The following PCM1 variants were observed in gnomAD, a reference collection of about 807,000 sequenced individuals.
PCM1 encodes pericentriolar material 1, also known as pericentriolar material 1 protein.
Under a neutral mutation model 241.9 loss-of-function variants are expected in PCM1, and 157 were observed. That is an observed-to-expected ratio of 0.65 (90% CI 0.57 to 0.74). The LOEUF is 0.74. Among genes scored for constraint, PCM1 ranks in the 30% least tolerant of loss-of-function variants. The pLI is 0.00. For missense variants in PCM1, 3,478 were observed against 2,360.1 expected, an observed-to-expected ratio of 1.47 and a Z score of -9.81; for synonymous variants, 1,085 against 784.9, an observed-to-expected ratio of 1.38 and a Z score of -6.39.
intron 29 of PCM1, among the ~76,000 whole-genome samples, chr8:17,997,664 C>G (rs1169686036): frequency 6.6e-6 from 1 of 152,028 alleles, no homozygotes; most frequent in Non-Finnish European, 1.5e-5. Flanking sequence ...TTTTTCAACT[C>G]TAGAATTTCT....
rs57224845 is a variant in PCM1 at position 17,960,533 on chromosome 8, C to CTTTT, written c.2322+95_2322+98dup. The CTTTT allele has an allele frequency of 1.8e-4, 108 of 604,404 alleles. 1 individual carries two copies. The highest frequency in any genetic ancestry group is 1.0e-3 in the Middle Eastern group (2 of 2,006). 37.4% of individuals were successfully genotyped at this position (604,404 alleles called of 1,614,324 possible). A position where few individuals can be genotyped will look rare whatever the true frequency, so the allele number is the denominator to read the frequency against. ...AGTACTCTTTTTTGTTTTTGTTTTTCTTTTTTTTTGAGGCAGAGTCTCACT... is the reference window on the plus strand; with the variant it reads ...AGTACTCTTTTTTGTTTTTGTTTTTCTTTTTTTTTTTTTGAGGCAGAGTCTCACT... On this transcript the variant is annotated intron_variant, in intron 15 of 38. Coordinates refer to ENST00000325083, the MANE Select transcript of PCM1 (RefSeq NM_006197.4).
intron 4 of PCM1, among the ~76,000 whole-genome samples, chr8:17,937,681 T>C (rs1307522528): frequency 6.6e-6 from 1 of 152,144 alleles, no homozygotes; most frequent in South Asian, 2.1e-4. Context: ...TAAAATGGTA[T>C]TAAGTAATGG....
At position 18,028,402 on chromosome 8, in the gene PCM1, A is replaced by AATT. The variant is rs1257658466; in HGVS notation, c.*742_*744dup. 4 of 192,728 alleles carry AATT rather than the reference A, an allele frequency of 2.1e-5. No individual in the cohort carries two copies. Among genetic ancestry groups the AATT allele is most frequent in the Admixed American group, 1.2e-4 (2 of 16,376 alleles). The allele number at this position is 192,728 out of a possible 1,614,324, so 11.9% of individuals were successfully genotyped here. The stretch of plus-strand genomic sequence containing the variant: ...AAAGTAAAAAAAATAAGCTTTATAT[A>AATT]ATTAGGGAGATTTCTGCACAGAGAA... On this transcript the variant is annotated 3_prime_UTR_variant, in exon 39 of 39. Coordinates refer to ENST00000325083, the MANE Select transcript of PCM1 (RefSeq NM_006197.4).
intron 21 of PCM1, 75 bp downstream of exon 21, chr8:17,967,245 A>T: frequency 1.0e-6 from 1 of 991,744 alleles, no homozygotes; most frequent in Non-Finnish European, 1.5e-6. Context: ...TATTGCCTAG[A>T]TGTTTTAACA....
chr8:17,984,520 T>C (rs1356018016), intron 24 of PCM1, among the ~76,000 whole-genome samples: 1 of 151,906 alleles, frequency 6.6e-6, no homozygotes, highest in East Asian at 1.9e-4. Context: ...TGATATCTTA[T>C]ATTAGTAATG....
chr8:18,028,817 A>G lies in PCM1; in HGVS notation c.*1155A>G, dbSNP rs941321503. ...TTTTAACTTTGTTAACAACTGAAATACCCCATAAAAAAAGAACTTGTTGAG... is the reference window on the plus strand; with the variant it reads ...TTTTAACTTTGTTAACAACTGAAATGCCCCATAAAAAAAGAACTTGTTGAG... On this transcript the variant is annotated 3_prime_UTR_variant, in exon 39 of 39. Coordinates refer to ENST00000325083, the MANE Select transcript of PCM1 (RefSeq NM_006197.4). 1.1e-5 allele frequency: 2 copies of G among 187,610 alleles called. No homozygotes were observed. The highest frequency in any genetic ancestry group is 4.7e-5 in the African/African-American group (2 of 42,802). 11.6% of individuals were successfully genotyped at this position (187,610 alleles called of 1,614,324 possible).
intron 23 of PCM1, among the ~76,000 whole-genome samples, chr8:17,978,690 C>G (rs184179517): frequency 6.6e-6 from 1 of 152,140 alleles, no homozygotes; most frequent in Admixed American, 6.5e-5. Context: ...AAGAAACAAC[C>G]TGTGAATCAA....
intron 8 of PCM1, 133 bp downstream of exon 8, chr8:17,950,857 C>A (rs560562615): frequency 4.7e-6 from 3 of 633,102 alleles, no homozygotes; most frequent in Admixed American, 3.3e-5. Flanking sequence ...TGGTGGGGTC[C>A]CCCCCACCTT....
intron 6 of PCM1, among the ~76,000 whole-genome samples, chr8:17,940,688 T>A (rs780279034): frequency 3.3e-5 from 5 of 152,188 alleles, no homozygotes; most frequent in Non-Finnish European, 5.9e-5. Flanking sequence ...ACATTGTGAC[T>A]TATTCACAAT....
rs1240485455 is a variant in PCM1 at position 18,011,355 on chromosome 8, C to T, written c.5339C>T (p.Pro1780Leu). Reference sequence around the variant, plus strand: ...GAAGATGAAGAAAGTGAAGGATGTCCAGTGTCTATTAGTAAGTTTAAAGGC... The same window carrying T: ...GAAGATGAAGAAAGTGAAGGATGTCTAGTGTCTATTAGTAAGTTTAAAGGC... ...QEEDEESEGC[P>L]VSINLSKAET... Residue 1780 changes from proline (P) to leucine (L), a missense_variant, in exon 33 of 39, where the codon CCA (proline) becomes CTA (leucine). Transcript: ENST00000325083. 3 of 1,594,402 alleles carry T rather than the reference C, an allele frequency of 1.9e-6. No individual in the cohort carries two copies. The highest frequency in any genetic ancestry group is 2.6e-6 in the Non-Finnish European group (3 of 1,172,830).
At chr8:17,959,519 G>GCC (rs1373549990) in intron 13 of PCM1, among the ~76,000 whole-genome samples, 3 of 152,060 alleles carry the variant, frequency 2.0e-5, no homozygotes, top group African/African-American at 7.2e-5. Flanking sequence ...AGGATTTGGA[G>GCC]AAGTGGAACT....
intron 24 of PCM1, among the ~76,000 whole-genome samples, chr8:17,981,741 C>T (rs1027029164): frequency 6.6e-6 from 1 of 151,904 alleles, no homozygotes; most frequent in Admixed American, 6.6e-5. Context: ...TTCCATTTTT[C>T]GGAGGAAACA....
intron 8 of PCM1, among the ~76,000 whole-genome samples, chr8:17,951,943 C>G (rs181074498): frequency 1.3e-5 from 2 of 152,014 alleles, no homozygotes; most frequent in Admixed American, 6.6e-5. Context: ...TAAAAAAAGG[C>G]CAGGTGCGGT....
In PCM1 at chr8:17,986,048, A is replaced by C. The variant is rs766459751; in HGVS notation, c.4371A>C (p.Ser1457=). 2.5e-6 allele frequency: 4 copies of C among 1,602,484 alleles called. No individual in the cohort carries two copies. The highest frequency in any genetic ancestry group is 3.4e-6 in the Non-Finnish European group (4 of 1,172,966). Residue 1457 remains serine (S), a synonymous_variant, in exon 26 of 39, where the codon TCA becomes TCC. Coordinates refer to ENST00000325083, the MANE Select transcript of PCM1 (RefSeq NM_006197.4). The part of the protein sequence containing the change: ...VNSGTWIASN[S]ELTPSESLAT... The stretch of plus-strand genomic sequence containing the variant: ...CTGGTACTTGGATAGCATCAAACTC[A>C]GAACTTACTCCTAGTGAGAGCCTTG...
At chr8:17,980,477 G>C in intron 23 of PCM1, 114 bp from the exon 24 acceptor site, 2 of 733,528 alleles carry the variant, frequency 2.7e-6, no homozygotes, top group East Asian at 2.6e-5. Flanking sequence ...ATTTATACCA[G>C]GCCTTCCTAG....
rs569137887 is a variant in PCM1, at chr8:17,933,977, T to C, written c.-22-1612T>C. 8.1e-4 allele frequency among the ~76,000 whole-genome samples: 124 copies of C among 152,258 alleles called. 1 individual carries two copies. Among genetic ancestry groups the C allele is most frequent in the African/African-American group, 2.9e-3 (119 of 41,560 alleles). The stretch of plus-strand genomic sequence containing the variant: ...TATGCTCATTAAAAAAAGAGTGAAA[T>C]ATAACAGGAAGGGTCAATGTATTTG... On this transcript the variant is annotated intron_variant, in intron 2 of 38. Coordinates refer to ENST00000325083, the MANE Select transcript of PCM1 (RefSeq NM_006197.4).
rs1564363105 is a variant in PCM1 at position 18,010,560 on chromosome 8, A to ATGTATCTAAGTATGTTGCTAAATTC, written c.5161-45_5161-21dup. ...GCTGAGACATGAGAAATGCTAAATT[A>ATGTATCTAAGTATGTTGCTAAATTC]TGTATCTAAGTATGTTGCTAAATTC... is the stretch of plus-strand genomic sequence containing the variant. On this transcript the variant is annotated intron_variant, in intron 31 of 38. Coordinates refer to ENST00000325083, the MANE Select transcript of PCM1 (RefSeq NM_006197.4). 3 of 1,361,062 alleles carry ATGTATCTAAGTATGTTGCTAAATTC rather than the reference A, an allele frequency of 2.2e-6. No homozygotes were observed. In the African/African-American group the frequency reaches 4.3e-5, roughly 20 times the overall value. 84.3% of individuals were successfully genotyped at this position (1,361,062 alleles called of 1,614,324 possible). A position where few individuals can be genotyped will look rare whatever the true frequency, so the allele number is the denominator to read the frequency against.
Position 17,972,775 on chromosome 8 carries a change from G to A in PCM1, c.3943+88G>A, listed in dbSNP as rs571960070. ...TTGACATAGATATAGTTTCAGTAAG[G>A]CTAGATGTGCAGGTGCTGTTCTAGA... On this transcript the variant is annotated intron_variant, in intron 23 of 38. Transcript: ENST00000325083. The A allele has an allele frequency of 2.4e-5, 17 of 709,508 alleles. No individual in the cohort carries two copies. The South Asian group carries it at 4.8e-4, about 20-fold the overall frequency. The allele number at this position is 709,508 out of a possible 1,614,324, so 44.0% of individuals were successfully genotyped here.
Position 17,955,930 on chromosome 8 carries a change from G to A in PCM1, c.1472+277G>A, listed in dbSNP as rs567867725. 25 of 423,862 alleles carry A rather than the reference G, an allele frequency of 5.9e-5. No homozygotes were observed. The East Asian group carries it at 1.2e-3, about 20-fold the overall frequency. 26.3% of individuals were successfully genotyped at this position (423,862 alleles called of 1,614,324 possible). A position where few individuals can be genotyped will look rare whatever the true frequency, so the allele number is the denominator to read the frequency against. ...TACAGTTAAAATATTTCTATATTCAGATGGTTTAGAGACCAGGCTGTAGAA... is the reference window on the plus strand; with the variant it reads ...TACAGTTAAAATATTTCTATATTCAAATGGTTTAGAGACCAGGCTGTAGAA... On this transcript the variant is annotated intron_variant, in intron 10 of 38. Transcript: ENST00000325083.
Sources: allele counts gnomAD v4.1 joint callset (sites outside exome capture counted in the v4.1 genomes callset), GRCh38; gene constraint gnomAD v4.1.1; transcripts MANE v1.5; gene names NCBI Gene and HGNC (gene_info 2026-07-23, HGNC 2026-07-21).